Variants in BIRC6 observed in about 807,000 individuals in gnomAD.
The protein encoded by BIRC6 is dual E2 ubiquitin-conjugating enzyme/E3 ubiquitin-protein ligase BIRC6.
BIRC6 carries 98 observed loss-of-function variants against 503.3 expected under a neutral mutation model. The ratio of observed to expected loss-of-function variants is 0.19; its 90% CI spans 0.17 to 0.23. The LOEUF is 0.23. BIRC6 is among the 10% of genes least tolerant of loss of function. The pLI, the probability that BIRC6 is intolerant of heterozygous loss-of-function variation, is 1.00. For synonymous variants in BIRC6, 2,240 were observed against 2,078.7 expected, an observed-to-expected ratio of 1.08 and a Z score of -2.11; for missense variants, 5,360 against 5,806.0, an observed-to-expected ratio of 0.92 and a Z score of 2.50.
chr2:32,414,151 T>C (rs1305063594), intron 9 of BIRC6, among the ~76,000 whole-genome samples: 1 of 151,306 alleles, frequency 6.6e-6, no homozygotes, highest in Non-Finnish European at 1.5e-5. Context: ...ATTAGCTGGG[T>C]ATGGTGGCAC....
At chr2:32,378,362 C>T (rs767338563) in intron 2 of BIRC6, among the ~76,000 whole-genome samples, 4 of 152,030 alleles carry the variant, frequency 2.6e-5, no homozygotes, top group African/African-American at 7.2e-5. Context: ...ATGACCACAC[C>T]AAGCTGAGAG....
At chr2:32,438,472 A>G (rs1187500555) in intron 15 of BIRC6, among the ~76,000 whole-genome samples, 1 of 152,174 alleles carries the variant, frequency 6.6e-6, no homozygotes, top group East Asian at 1.9e-4. Context: ...AATGATAATT[A>G]AGAAATGTAT....
intron 61 of BIRC6, among the ~76,000 whole-genome samples, chr2:32,538,095 C>CT (rs1282720014): frequency 6.6e-6 from 1 of 152,054 alleles, no homozygotes; most frequent in East Asian, 1.9e-4. Context: ...GTCTATACTG[C>CT]TTTTTTCTGG....
At chr2:32,365,800 TATTA>T (rs769757877) in intron 1 of BIRC6, among the ~76,000 whole-genome samples, 69 of 152,240 alleles carry the variant, frequency 4.5e-4, no homozygotes, top group Admixed American at 7.2e-4. Context: ...TTGGTTGCAG[TATTA>T]ATTAATTGAG....
intron 62 of BIRC6, among the ~76,000 whole-genome samples, chr2:32,544,491 C>CTTT (rs56694490): frequency 3.7e-5 from 5 of 134,916 alleles, no homozygotes; most frequent in African/African-American, 1.4e-4. Flanking sequence ...CTTTCTTCTT[C>CTTT]TTTTTTTTTT....
chr2:32,392,497 C>T (rs1269839843), intron 5 of BIRC6, among the ~76,000 whole-genome samples: 3 of 152,210 alleles, frequency 2.0e-5, no homozygotes, highest in African/African-American at 7.2e-5. Context: ...CTCAGGTGAT[C>T]TGCCTGCCTC....
intron 29 of BIRC6, 44 bp from the exon 30 acceptor site, chr2:32,469,351 A>G (rs2048887218): frequency 2.1e-6 from 3 of 1,427,772 alleles, no homozygotes; most frequent in South Asian, 2.5e-5. Flanking sequence ...ATATTATACA[A>G]TACATTTAAA....
Position 32,470,077 on chromosome 2 carries a change from T to C in BIRC6, c.6348-91T>C, listed in dbSNP as rs557539519. The C allele has an allele frequency of 4.5e-6, 5 of 1,105,378 alleles. No homozygotes were observed. The South Asian group carries it at 9.3e-5, about 20-fold the overall frequency. The allele number at this position is 1,105,378 out of a possible 1,614,324, so 68.5% of individuals were successfully genotyped here. ...TTTTAAGAAAGCAAATATTCTATCA[T>C]TACTCTGTTAAATTTCTATGTAAAT... On this transcript the variant is annotated intron_variant, in intron 30 of 73. Transcript: ENST00000421745.
chr2:32,519,156 T>C (rs756077585), intron 57 of BIRC6: 11 of 446,216 alleles, frequency 2.5e-5, no homozygotes, highest in African/African-American at 5.9e-5. Flanking sequence ...TTTGGTTTAT[T>C]GTGTCACAGT....
intron 73 of BIRC6, among the ~76,000 whole-genome samples, chr2:32,616,878 G>A (rs1305665336): frequency 6.6e-6 from 1 of 152,160 alleles, no homozygotes; most frequent in African/African-American, 2.4e-5. Flanking sequence ...GCCAAGGCAG[G>A]TGGATCGCTT....
At chr2:32,448,950 G>A in intron 22 of BIRC6, 22 bp downstream of exon 22, 1 of 1,596,482 alleles carries the variant, frequency 6.3e-7, no homozygotes, top group South Asian at 1.1e-5. Context: ...TTTTATTAAA[G>A]GAAATTCTGA....
intron 65 of BIRC6, chr2:32,566,166 C>T (rs950292653): frequency 3.3e-5 from 5 of 152,040 alleles, no homozygotes; most frequent in Non-Finnish European, 7.4e-5. Context: ...CATTATAGTA[C>T]TTGCGAATTT....
intron 5 of BIRC6, among the ~76,000 whole-genome samples, chr2:32,393,160 T>G (rs2039461826): frequency 6.6e-6 from 1 of 151,728 alleles, no homozygotes; most frequent in Non-Finnish European, 1.5e-5. Context: ...AGAAGCAGCA[T>G]TACAGGTAGT....
intron 11 of BIRC6, 76 bp downstream of exon 11, chr2:32,429,371 G>T: frequency 1.8e-6 from 2 of 1,125,934 alleles, no homozygotes; most frequent in Non-Finnish European, 2.4e-6. Context: ...GTTGGAAGAT[G>T]TAAACATATT....
chr2:32,382,027 C>T (rs1028088420), intron 3 of BIRC6, among the ~76,000 whole-genome samples: 8 of 152,184 alleles, frequency 5.3e-5, no homozygotes, highest in Non-Finnish European at 1.2e-4. Flanking sequence ...TGAGTTTCAA[C>T]AGAGATAATT....
intron 57 of BIRC6, chr2:32,523,615 TAAG>T (rs763117488): frequency 1.3e-5 from 2 of 152,240 alleles, no homozygotes; most frequent in East Asian, 1.9e-4. Context: ...CAATTAGTAT[TAAG>T]AAGTTGTATA....
intron 66 of BIRC6, among the ~76,000 whole-genome samples, chr2:32,578,990 ACACT>A (rs72024498): frequency 1.3e-4 from 7 of 52,884 alleles, no homozygotes; most frequent in African/African-American, 4.7e-4. Context: ...ATATATATAT[ACACT>A]TAATATATAT....
chr2:32,603,731 A>C (rs1189135033), intron 71 of BIRC6, among the ~76,000 whole-genome samples: 1 of 152,116 alleles, frequency 6.6e-6, no homozygotes, highest in East Asian at 1.9e-4. Context: ...CTAAAAAATA[A>C]AAATCAATAA....
Position 32,507,980 on chromosome 2 carries a change from C to G in BIRC6, c.9701C>G (p.Thr3234Ser), listed in dbSNP as rs755489253. 2.7e-5 allele frequency: 43 copies of G among 1,610,704 alleles called. No individual in the cohort carries two copies. Among genetic ancestry groups the G allele is most frequent in the Non-Finnish European group, 3.5e-5 (41 of 1,178,282 alleles). ...HIQPHLASLA[T>S]CPSSVSVEVS... The stretch of plus-strand genomic sequence containing the variant: ...ATGATTCAGTTTTCTCTTTTTATAG[C>G]CTGCCCTTCCTCAGTGTCTGTTGAA... The change falls in exon 51 of 74, where the codon ACC becomes AGC. Residue 3234 changes from threonine (T) to serine (S), a missense_variant and splice_region_variant. Physicochemically the swap from Thr to Ser is moderately conservative, Grantham distance 58 (BLOSUM62 1). Coordinates refer to ENST00000421745, the MANE Select transcript of BIRC6 (RefSeq NM_016252.4).
Sources: gnomAD v4.1 joint callset for allele counts (sites outside exome capture counted in the v4.1 genomes callset) on GRCh38, gnomAD v4.1.1 for gene constraint, MANE v1.5 for transcripts, NCBI Gene and HGNC (gene_info 2026-07-23, HGNC 2026-07-21) for gene names.